Variants in NUP88 observed in about 807,000 individuals in gnomAD.
The protein encoded by NUP88 is nucleoporin 88, also known as nuclear pore complex protein Nup88.
NUP88 carries 57 observed loss-of-function variants against 93.9 expected under a neutral mutation model. The observed-to-expected ratio is 0.61, with a 90% CI of 0.49 to 0.76. The LOEUF (loss-of-function observed/expected upper bound fraction) is 0.76. Ranked by LOEUF, NUP88 falls within the 30% of genes least tolerant of loss-of-function variation. NUP88 has a pLI of 0.00. For missense variants in NUP88, 911 were observed against 901.0 expected (o/e 1.01, Z -0.14); for synonymous variants, 346 against 336.8 (o/e 1.03, Z -0.30).
intron 2 of NUP88, among the ~76,000 whole-genome samples, chr17:5,416,157 A>AGTGTATAT (rs1376858837): frequency 8.0e-6 from 1 of 125,398 alleles, no homozygotes; most frequent in Non-Finnish European, 1.7e-5. Context: ...AAAAAAAAAA[A>AGTGTATAT]AAAAAAAAAG....
intron 10 of NUP88, among the ~76,000 whole-genome samples, chr17:5,390,706 G>T (rs79197810): frequency 6.0e-5 from 9 of 148,856 alleles, no homozygotes; most frequent in Non-Finnish European, 1.2e-4. Flanking sequence ...CAGCTTTTTT[G>T]TTTTTTTTTT....
At chr17:5,387,542 TA>T in intron 13 of NUP88, 62 bp downstream of exon 13, 1 of 1,593,724 alleles carries the variant, frequency 6.3e-7, no homozygotes, top group Non-Finnish European at 8.6e-7. Context: ...CTCAGCATCT[TA>T]GGGTGAGAAT....
Position 5,419,371 on chromosome 17 carries a change from C to A in NUP88, c.280G>T (p.Ala94Ser). The A allele has an allele frequency of 6.2e-7, 1 of 1,600,056 alleles. No individual in the cohort carries two copies. Among genetic ancestry groups the A allele is most frequent in the African/African-American group, 1.3e-5 (1 of 74,076 alleles). ...RGPSGGGEEP[A>S]LSQYQRLLCI... ...GGCATTACCTGGTACTGGGACAGGG[C>A]GGGCTCTTCGCCGCCGCCGCTGGGG... The change falls in exon 1 of 17, where the codon GCC (alanine) becomes TCC (serine). Residue 94 changes from alanine (A) to serine (S), a missense_variant. Ala to Ser is a moderately conservative substitution (Grantham distance 99). Coordinates refer to ENST00000573584, the MANE Select transcript of NUP88 (RefSeq NM_002532.6).
chr17:5,414,452 C>T (rs755857497), intron 2 of NUP88, among the ~76,000 whole-genome samples: 1 of 152,052 alleles, frequency 6.6e-6, no homozygotes, highest in East Asian at 1.9e-4. Context: ...ACCTCGGCCT[C>T]GCAAAGTGCT....
At chr17:5,416,214 A>T (rs1057313356) in intron 2 of NUP88, among the ~76,000 whole-genome samples, 3 of 137,716 alleles carry the variant, frequency 2.2e-5, no homozygotes, top group Non-Finnish European at 3.1e-5. Context: ...CACATAAAAT[A>T]CTTACACTTC....
chr17:5,410,420 G>C (rs752276086), intron 4 of NUP88, among the ~76,000 whole-genome samples: 5 of 152,142 alleles, frequency 3.3e-5, no homozygotes, highest in Non-Finnish European at 7.4e-5. Context: ...TATTATCTTA[G>C]TTTCTTTATC....
At chr17:5,404,957 A>G in intron 6 of NUP88, 100 bp downstream of exon 6, 3 of 1,030,348 alleles carry the variant, frequency 2.9e-6, no homozygotes, top group Non-Finnish European at 4.2e-6. Context: ...GAAGTTCCAT[A>G]AGTAAGTTAA....
intron 9 of NUP88, among the ~76,000 whole-genome samples, chr17:5,391,886 C>T (rs529484487): frequency 6.6e-6 from 1 of 152,198 alleles, no homozygotes; most frequent in Non-Finnish European, 1.5e-5. Context: ...CTAACTGTAG[C>T]GTGCTGCTGA....
At chr17:5,416,166 A>T (rs1455791837) in intron 2 of NUP88, among the ~76,000 whole-genome samples, 5 of 58,000 alleles carry the variant, frequency 8.6e-5, no homozygotes, top group East Asian at 5.6e-3. Flanking sequence ...AAAAAAAAAA[A>T]GTATATATAT....
Position 5,389,775 on chromosome 17 carries a change from C to CAAAAA in NUP88, c.1485-820_1485-816dup, listed in dbSNP as rs58723410. ...TGGGTGACAGAGCAAGACTCTGTCT[C>CAAAAA]AAAAAAAAAAAAAAAAAAAAGTGAA... On this transcript the variant is annotated intron_variant, in intron 10 of 16. Transcript: ENST00000573584. Among the ~76,000 whole-genome samples the CAAAAA allele has an allele frequency of 9.3e-4, 71 of 76,492 alleles. 2 individuals carry two copies. The East Asian group carries it at 0.016, about 17-fold the overall frequency. 50.2% of individuals were successfully genotyped at this position (76,492 alleles called of 152,430 possible). A position where few individuals can be genotyped will look rare whatever the true frequency, so the allele number is the denominator to read the frequency against.
At chr17:5,413,945 A>C in intron 3 of NUP88, 64 bp downstream of exon 3, 1 of 1,567,106 alleles carries the variant, frequency 6.4e-7, no homozygotes, top group East Asian at 2.3e-5. Context: ...TTGAGCTGTT[A>C]ATTGGCAAAC....
chr17:5,400,324 C>A (rs1913075616), intron 7 of NUP88, among the ~76,000 whole-genome samples: 1 of 151,620 alleles, frequency 6.6e-6, no homozygotes, highest in Admixed American at 6.6e-5. Flanking sequence ...TGGTGAAAAC[C>A]CGTCTCTACT....
chr17:5,419,581 A>G lies in NUP88; in HGVS notation c.70T>C (p.Phe24Leu), dbSNP rs771131496. 1 of 1,608,556 alleles carries G rather than the reference A, an allele frequency of 6.2e-7. No homozygotes were observed. The highest frequency in any genetic ancestry group is 8.5e-7 in the Non-Finnish European group (1 of 1,176,424). Residue 24 changes from phenylalanine (F) to leucine (L), a missense_variant, in exon 1 of 17, where the codon TTC (phenylalanine) becomes CTC (leucine). By Grantham distance (22) the Phe-to-Leu change is conservative. Coordinates refer to ENST00000573584, the MANE Select transcript of NUP88 (RefSeq NM_002532.6). ...WQTWLPNHVV[F>L]LRLREGLKNQ... ...TTCAGTCCCTCCCGGAGCCGCAAGA[A>G]CACGACGTGGTTAGGAAGCCAGGTC...
chr17:5,388,069 C>T (rs1022283067), intron 11 of NUP88, 165 bp from the exon 12 acceptor site: 4 of 565,600 alleles, frequency 7.1e-6, no homozygotes, highest in Admixed American at 3.4e-5. Context: ...GGTGCTATCT[C>T]GGCTCACTGC....
At chr17:5,416,141 T>A (rs1370959603) in intron 2 of NUP88, among the ~76,000 whole-genome samples, 2 of 58,964 alleles carry the variant, frequency 3.4e-5, no homozygotes, top group Non-Finnish European at 6.1e-5. Context: ...CAAGACTCCA[T>A]CTCAAAAAAA....
intron 10 of NUP88, 170 bp downstream of exon 10, chr17:5,391,391 T>TTA (rs1013184846): frequency 6.7e-6 from 4 of 594,660 alleles, no homozygotes; most frequent in Admixed American, 2.8e-5. Context: ...CAATGAAACC[T>TTA]TATAGAGATG....
Position 5,414,079 on chromosome 17 carries a change from G to A in NUP88, c.523C>T (p.His175Tyr). 6.2e-7 allele frequency: 1 copy of A among 1,613,600 alleles called. No individual in the cohort carries two copies. Among genetic ancestry groups the A allele is most frequent in the South Asian group, 1.1e-5 (1 of 91,074 alleles). The change falls in exon 3 of 17, where the codon CAT (histidine) becomes TAT (tyrosine). Residue 175 changes from histidine to tyrosine, a missense_variant. His to Tyr is a moderately conservative substitution (Grantham distance 83, BLOSUM62 2). Coordinates refer to ENST00000573584, the MANE Select transcript of NUP88 (RefSeq NM_002532.6). The stretch of plus-strand genomic sequence containing the variant: ...ATTTCACTTGGATACCATGCAGCAT[G>A]CTTTAGAGTCAGAGAGGTGGAACTG... ...FTSSTSLTLK[H>Y]AAWYPSEILD...
chr17:5,407,978 C>T (rs1276568122), intron 5 of NUP88, among the ~76,000 whole-genome samples: 1 of 151,802 alleles, frequency 6.6e-6, no homozygotes, highest in Non-Finnish European at 1.5e-5. Flanking sequence ...CACTGGCTTC[C>T]TACTACCCTA....
rs1567562267 is a variant in NUP88, at chr17:5,386,221, A to G, written c.2211T>C (p.Asn737=). The G allele has an allele frequency of 1.2e-6, 2 of 1,613,244 alleles. No individual in the cohort carries two copies. The highest frequency in any genetic ancestry group is 1.1e-5 in the South Asian group (1 of 90,926). The change falls in exon 17 of 17, where the codon AAT becomes AAC. Residue 737 remains asparagine, a synonymous_variant. Transcript: ENST00000573584. The stretch of plus-strand genomic sequence containing the variant: ...CCTGGTGGTGTCAGAAGTTTACATG[A>G]TTGCGGATATCATTGATTTGCTTCA... ...EMVKQINDIR[N]HVNF is the part of the protein sequence containing the mutation.
Sources: gnomAD v4.1 joint callset for allele counts (sites outside exome capture counted in the v4.1 genomes callset) on GRCh38, gnomAD v4.1.1 for gene constraint, MANE v1.5 for transcripts, NCBI Gene and HGNC (gene_info 2026-07-23, HGNC 2026-07-21) for gene names.